ARMH3: variants seen among roughly 807,000 people sequenced by gnomAD.
The protein encoded by ARMH3 is armadillo-like helical domain-containing protein 3.
ARMH3 carries 60 observed loss-of-function variants against 99.1 expected under a neutral mutation model. The observed-to-expected ratio is 0.61, with a 90% CI of 0.49 to 0.75. ARMH3 has a LOEUF of 0.75. Ranked by LOEUF, ARMH3 falls within the 30% of genes least tolerant of loss-of-function variation. The pLI is 0.00. For missense variants in ARMH3, 679 were observed against 843.1 expected (o/e 0.81, Z 2.41); for synonymous variants, 285 against 292.8 (o/e 0.97, Z 0.27).
At chr10:101,978,648 TA>T (rs1374311092) in intron 19 of ARMH3, among the ~76,000 whole-genome samples, 1 of 151,834 alleles carries the variant, frequency 6.6e-6, no homozygotes, top group Non-Finnish European at 1.5e-5. Context: ...AATTAAAAAC[TA>T]AAAAAATTAG....
chr10:101,954,688 A>T (rs1486860940), intron 22 of ARMH3, among the ~76,000 whole-genome samples: 2 of 152,222 alleles, frequency 1.3e-5, no homozygotes, highest in African/African-American at 2.4e-5. Context: ...GCAAAATTTT[A>T]TTAACCTCAA....
intron 24 of ARMH3, among the ~76,000 whole-genome samples, chr10:101,871,471 A>T (rs2067130472): frequency 6.6e-6 from 1 of 152,256 alleles, no homozygotes; most frequent in South Asian, 2.1e-4. Context: ...AGACGTATAG[A>T]CCAATGGAAC....
chr10:101,945,200 T>C (rs887884642), intron 22 of ARMH3, among the ~76,000 whole-genome samples: 3 of 152,194 alleles, frequency 2.0e-5, no homozygotes, highest in African/African-American at 7.2e-5. Flanking sequence ...TCTTACAGCT[T>C]TGCCCCAAGG....
intron 14 of ARMH3, among the ~76,000 whole-genome samples, chr10:102,005,579 C>T (rs552078686): frequency 1.2e-4 from 18 of 152,148 alleles, no homozygotes; most frequent in Non-Finnish European, 1.8e-4. Context: ...GGTCATTTCA[C>T]GTACAAACAG....
chr10:101,953,542 CTTT>C (rs35546669), intron 22 of ARMH3, among the ~76,000 whole-genome samples: 13 of 117,882 alleles, frequency 1.1e-4, no homozygotes, highest in Non-Finnish European at 1.1e-4. Flanking sequence ...CGTGCCCAGC[CTTT>C]TTTTTTTTTT....
chr10:102,055,260 G>A (rs932047558), intron 1 of ARMH3, among the ~76,000 whole-genome samples: 4 of 151,852 alleles, frequency 2.6e-5, no homozygotes, highest in Non-Finnish European at 5.9e-5. Context: ...TCGGGCAACT[G>A]CACTCCAGAC....
chr10:102,055,109 G>A (rs1289803101), intron 1 of ARMH3, among the ~76,000 whole-genome samples: 1 of 151,622 alleles, frequency 6.6e-6, no homozygotes, highest in Non-Finnish European at 1.5e-5. Context: ...ATCACCTGAG[G>A]TTGGGAGTTC....
intron 23 of ARMH3, among the ~76,000 whole-genome samples, chr10:101,921,665 A>G (rs762060764): frequency 5.3e-5 from 8 of 152,214 alleles, no homozygotes; most frequent in Non-Finnish European, 1.0e-4. Flanking sequence ...AAGGAATAAA[A>G]TCAAGTCATT....
intron 4 of ARMH3, among the ~76,000 whole-genome samples, chr10:102,030,400 T>C (rs920196780): frequency 1.3e-5 from 2 of 151,646 alleles, no homozygotes; most frequent in Non-Finnish European, 2.9e-5. Flanking sequence ...ATTGGTGGAG[T>C]TTTCCTTTAT....
At chr10:101,847,648 G>A in intron 25 of ARMH3, 28 bp from the exon 26 acceptor site, 1 of 1,603,312 alleles carries the variant, frequency 6.2e-7, no homozygotes, top group Non-Finnish European at 8.5e-7. Flanking sequence ...GGGAAGGTGG[G>A]AGGGCGCAGC....
intron 24 of ARMH3, among the ~76,000 whole-genome samples, chr10:101,856,371 T>G (rs573861961): frequency 6.6e-6 from 1 of 152,348 alleles, no homozygotes; most frequent in South Asian, 2.1e-4. Context: ...GTCTTTGATC[T>G]TTAATTGGGC....
chr10:102,004,630 C>CAT (rs140986182), intron 14 of ARMH3, among the ~76,000 whole-genome samples: 128 of 151,312 alleles, frequency 8.5e-4, no homozygotes, highest in South Asian at 2.9e-3. Context: ...ACATGGAACT[C>CAT]ATATATATAT....
intron 1 of ARMH3, among the ~76,000 whole-genome samples, chr10:102,052,622 T>C (rs986452806): frequency 6.6e-6 from 1 of 152,138 alleles, no homozygotes; most frequent in African/African-American, 2.4e-5. Context: ...CCTTATAAAT[T>C]ACATAAGCAT....
chr10:101,944,271 TATAGAG>T (rs1246643896), intron 22 of ARMH3, among the ~76,000 whole-genome samples: 5 of 40,016 alleles, frequency 1.2e-4, no homozygotes, highest in Admixed American at 3.3e-4. Context: ...TATATATATA[TATAGAG>T]AGAGAGAGAG....
chr10:101,937,525 A>G (rs1397586061), intron 23 of ARMH3, among the ~76,000 whole-genome samples: 1 of 151,926 alleles, frequency 6.6e-6, no homozygotes, highest in Non-Finnish European at 1.5e-5. Flanking sequence ...TCTCCAAAAA[A>G]AAAAAAAAAA....
At chr10:101,939,725 G>A (rs1190714962) in intron 23 of ARMH3, 138 bp downstream of exon 23, 13 of 603,846 alleles carry the variant, frequency 2.2e-5, no homozygotes, top group Admixed American at 9.1e-5. Context: ...TCTTGATCAA[G>A]TACGACAATT....
chr10:102,000,430 G>A (rs1241217383), intron 15 of ARMH3, among the ~76,000 whole-genome samples: 1 of 151,948 alleles, frequency 6.6e-6, no homozygotes, highest in Admixed American at 6.6e-5. Context: ...GGGTATTAGT[G>A]TTTAATGGGT....
At chr10:101,991,185 T>C (rs1846772363) in intron 18 of ARMH3, among the ~76,000 whole-genome samples, 1 of 152,194 alleles carries the variant, frequency 6.6e-6, no homozygotes. Context: ...GAAATGGGAT[T>C]AAGAATTCAG....
At chr10:101,880,704 C>T (rs528589541) in intron 24 of ARMH3, among the ~76,000 whole-genome samples, 4 of 152,208 alleles carry the variant, frequency 2.6e-5, no homozygotes, top group African/African-American at 9.6e-5. Flanking sequence ...CAAGGACCAA[C>T]GACTCTCAAG....
Sources: gnomAD v4.1 joint callset for allele counts (sites outside exome capture counted in the v4.1 genomes callset) on GRCh38, gnomAD v4.1.1 for gene constraint, MANE v1.5 for transcripts, NCBI Gene and HGNC (gene_info 2026-07-23, HGNC 2026-07-21) for gene names.